MYOF: variants seen among roughly 807,000 people sequenced by gnomAD.
The protein encoded by MYOF is myoferlin.
In MYOF, 244 loss-of-function variants were observed where a neutral mutation model predicts 284.2. The ratio of observed to expected loss-of-function variants is 0.86; its 90% CI spans 0.77 to 0.95. The LOEUF (loss-of-function observed/expected upper bound fraction) is 0.95. Among genes scored for constraint, MYOF ranks in the 40% least tolerant of loss-of-function variants. The probability of loss-of-function intolerance (pLI) is 0.00; values close to 1 mark genes in which losing one functional copy is unlikely to be tolerated. For missense variants in MYOF, 2,496 were observed against 2,560.6 expected (o/e 0.97, Z 0.54); for synonymous variants, 904 against 919.7 (o/e 0.98, Z 0.31).
At chr10:93,375,892 T>C (rs1845814067) in intron 22 of MYOF, among the ~76,000 whole-genome samples, 2 of 152,212 alleles carry the variant, frequency 1.3e-5, no homozygotes, top group African/African-American at 2.4e-5. Context: ...ATTAGCCTTC[T>C]GCTGCCAGGC....
chr10:93,322,443 C>T (rs368353973), intron 48 of MYOF, among the ~76,000 whole-genome samples: 162 of 152,256 alleles, frequency 1.1e-3, no homozygotes, highest in African/African-American at 3.5e-3. Context: ...AGGGAAAGCA[C>T]CAGAATGTAG....
At chr10:93,378,005 G>A (rs1845917906) in intron 21 of MYOF, among the ~76,000 whole-genome samples, 1 of 152,196 alleles carries the variant, frequency 6.6e-6, no homozygotes, top group African/African-American at 2.4e-5. Context: ...TTGCTGAGAA[G>A]GCCTAGAAGC....
At chr10:93,404,240 A>T in intron 7 of MYOF, 21 bp from the exon 8 acceptor site, 1 of 1,612,404 alleles carries the variant, frequency 6.2e-7, no homozygotes. Context: ...AATAGAGCAG[A>T]TGTTTAAATG....
chr10:93,408,313 C>A (rs1348371297), intron 7 of MYOF, among the ~76,000 whole-genome samples: 1 of 151,984 alleles, frequency 6.6e-6, no homozygotes, highest in East Asian at 1.9e-4. Flanking sequence ...ACTTTGTTGG[C>A]GGGTGGATCA....
At chr10:93,425,831 C>T (rs1391528444) in intron 5 of MYOF, 1 of 544,972 alleles carries the variant, frequency 1.8e-6, no homozygotes, top group Non-Finnish European at 3.3e-6. Context: ...GCTTTTTGTG[C>T]TCACCGTGAG....
intron 1 of MYOF, among the ~76,000 whole-genome samples, chr10:93,466,940 T>C (rs1196599415): frequency 1.3e-5 from 2 of 152,146 alleles, no homozygotes; most frequent in African/African-American, 4.8e-5. Flanking sequence ...ATCAGGCCAC[T>C]GCACTCCAGC....
chr10:93,307,188 AC>A (rs71028899), intron 53 of MYOF, among the ~76,000 whole-genome samples, 187 bp from the exon 54 acceptor site: 38 of 111,962 alleles, frequency 3.4e-4, no homozygotes, highest in African/African-American at 5.2e-4. Context: ...TGCCAGTAGC[AC>A]CCCCCCGCCA....
rs543037795 is a variant in MYOF, at chr10:93,429,471, C to T, written c.345+1937G>A. On this transcript the variant is annotated intron_variant, in intron 4 of 53. Coordinates refer to ENST00000359263, the MANE Select transcript of MYOF (RefSeq NM_013451.4). ...CATTCTAGGGGTCTACATATGCTTT[C>T]TTCTGTGCTTTAAAAAAAGAAGGCA... 7.9e-5 allele frequency among the ~76,000 whole-genome samples: 12 copies of T among 152,306 alleles called. No homozygotes were observed. The East Asian group carries it at 2.3e-3, about 29-fold the overall frequency.
At chr10:93,352,689 G>A (rs1589432075) in intron 32 of MYOF, among the ~76,000 whole-genome samples, 1 of 152,190 alleles carries the variant, frequency 6.6e-6, no homozygotes, top group Admixed American at 6.5e-5. Flanking sequence ...TTCTAGCAGT[G>A]GAGCCATCAT....
intron 5 of MYOF, among the ~76,000 whole-genome samples, chr10:93,413,992 A>G (rs2134143771): frequency 6.6e-6 from 1 of 152,208 alleles, no homozygotes; most frequent in South Asian, 2.1e-4. Flanking sequence ...GGAAAGAAAA[A>G]GAAAGGTAAG....
At chr10:93,447,649 T>C (rs701870) in intron 3 of MYOF, among the ~76,000 whole-genome samples, 146,717 of 152,220 alleles carry the variant, frequency 0.96, 70,937 homozygotes, top group East Asian at 1. Flanking sequence ...GAGCGCTAGC[T>C]GTCTCTCGTT....
intron 51 of MYOF, among the ~76,000 whole-genome samples, chr10:93,310,874 A>T (rs1197501933): frequency 6.6e-6 from 1 of 151,320 alleles, no homozygotes; most frequent in East Asian, 1.9e-4. Context: ...CCTACTTTTC[A>T]TTTTCTGTAT....
intron 3 of MYOF, among the ~76,000 whole-genome samples, chr10:93,441,723 G>T (rs553519986): frequency 4.3e-4 from 65 of 151,532 alleles, no homozygotes; most frequent in Admixed American, 2.0e-3. Context: ...GCCACCACAC[G>T]CAGCTAATAT....
intron 1 of MYOF, among the ~76,000 whole-genome samples, chr10:93,479,586 C>A (rs4917799): frequency 0.78 from 118,056 of 151,968 alleles, 46,311 homozygotes; most frequent in South Asian, 0.84. Context: ...CTGAGAGCAG[C>A]TAACTCAATA....
intron 2 of MYOF, among the ~76,000 whole-genome samples, chr10:93,455,756 G>GCCTAGT (rs2056730700): frequency 6.6e-6 from 1 of 152,176 alleles, no homozygotes; most frequent in Admixed American, 6.5e-5. Context: ...TGGGTGGAGG[G>GCCTAGT]GAGCCTTCAT....
chr10:93,410,667 T>A (rs571609140), intron 5 of MYOF, among the ~76,000 whole-genome samples: 1 of 152,356 alleles, frequency 6.6e-6, no homozygotes, highest in Non-Finnish European at 1.5e-5. Flanking sequence ...CTTTAGCTTT[T>A]CTTTTCTTAA....
Position 93,372,964 on chromosome 10 carries a change from T to C in MYOF, c.2423A>G (p.Lys808Arg). Residue 808 changes from lysine to arginine, a missense_variant, in exon 24 of 54, where the codon AAA (lysine) becomes AGA (arginine). Physicochemically the swap from Lys to Arg is conservative, Grantham distance 26. This residue lies in a region of MYOF where 2,436 missense variants were observed against 2,480.7 expected (regional missense o/e 0.98). Coordinates refer to ENST00000359263, the MANE Select transcript of MYOF (RefSeq NM_013451.4). ...YSTSGENASGKYCGKTQTIFL... is the reference protein window; with the variant it reads ...YSTSGENASGRYCGKTQTIFL... ...GATGGTTTGGGTTTTCCCACAGTAT[T>C]TTCCAGATGCATTCTCACCACTGGT... The C allele has an allele frequency of 6.2e-7, 1 of 1,614,196 alleles. No individual in the cohort carries two copies. The highest frequency in any genetic ancestry group is 2.2e-5 in the East Asian group (1 of 44,886).
chr10:93,360,691 A>G (rs1480892336), intron 28 of MYOF, among the ~76,000 whole-genome samples: 1 of 152,238 alleles, frequency 6.6e-6, no homozygotes. Context: ...GGTTCAGAAA[A>G]AGACAAATAT....
At chr10:93,350,248 C>T (rs1386927923) in intron 35 of MYOF, among the ~76,000 whole-genome samples, 1 of 152,080 alleles carries the variant, frequency 6.6e-6, no homozygotes, top group African/African-American at 2.4e-5. Flanking sequence ...CTCCCTATGT[C>T]TCATCTACAA....
Sources: gnomAD v4.1 joint callset for allele counts (sites outside exome capture counted in the v4.1 genomes callset) on GRCh38, gnomAD v4.1.1 for gene constraint, gnomAD v4.1.1 regional missense constraint, MANE v1.5 for transcripts, NCBI Gene and HGNC (gene_info 2026-07-23, HGNC 2026-07-21) for gene names.